Variants in HDAC9 observed in about 807,000 individuals in gnomAD.
HDAC9 encodes the protein histone deacetylase 9, also known as MEF-2 interacting transcription repressor (MITR) protein.
Under a neutral mutation model 139.4 loss-of-function variants are expected in HDAC9, and 41 were observed. That is an observed-to-expected ratio of 0.29 (90% CI 0.23 to 0.38). The LOEUF is 0.38. Ranked by LOEUF, HDAC9 falls within the 10% of genes least tolerant of loss-of-function variation. The pLI is 1.00. For missense variants in HDAC9, 1,147 were observed against 1,297.0 expected, an observed-to-expected ratio of 0.88 and a Z score of 1.78; for synonymous variants, 517 against 476.2, an observed-to-expected ratio of 1.09 and a Z score of -1.12.
At chr7:18,162,427 T>C in intron 2 of HDAC9, 2 of 1,356,674 alleles carry the variant, frequency 1.5e-6, no homozygotes, top group Non-Finnish European at 2.0e-6. Context: ...AACCAAGTAA[T>C]TTAATTTATG....
At chr7:18,375,354 C>T (rs2128706735) in intron 1 of HDAC9, among the ~76,000 whole-genome samples, 1 of 152,128 alleles carries the variant, frequency 6.6e-6, no homozygotes, top group Admixed American at 6.5e-5. Context: ...CTTGTAATCC[C>T]AGTACTCAGG....
chr7:18,957,973 A>G (rs1204282817), intron 24 of HDAC9, among the ~76,000 whole-genome samples: 1 of 152,194 alleles, frequency 6.6e-6, no homozygotes, highest in African/African-American at 2.4e-5. Context: ...CCCAAGGCAC[A>G]TGGCAAGGTG....
Position 18,981,539 on chromosome 7 carries a change from T to C in HDAC9, c.3170+5586T>C, listed in dbSNP as rs2526637. 5.1e-3 allele frequency among the ~76,000 whole-genome samples: 772 copies of C among 152,172 alleles called. 8 individuals are homozygous for C. Among genetic ancestry groups the C allele is most frequent in the African/African-American group, 0.017 (724 of 41,542 alleles). ...CATTTGTGGAGGCTCTGGGGAAAAA[T>C]TGGTTTCCTTGCCTTTTCCATCTTC... is the stretch of plus-strand genomic sequence containing the variant. On this transcript the variant is annotated intron_variant, in intron 25 of 25. Transcript: ENST00000686413.
chr7:18,417,916 C>T (rs1478694968), intron 1 of HDAC9, among the ~76,000 whole-genome samples: 2 of 152,116 alleles, frequency 1.3e-5, no homozygotes, highest in Non-Finnish European at 2.9e-5. Flanking sequence ...GGTGCTCTAT[C>T]CAGAAAACTC....
chr7:18,242,510 T>G (rs1261731052), intron 2 of HDAC9, among the ~76,000 whole-genome samples: 1 of 152,180 alleles, frequency 6.6e-6, no homozygotes, highest in Admixed American at 6.5e-5. Context: ...TCTCAGTCAA[T>G]TTTTCTGGTA....
intron 2 of HDAC9, among the ~76,000 whole-genome samples, chr7:18,276,038 A>G (rs186215): frequency 0.015 from 2,280 of 152,254 alleles, 65 homozygotes; most frequent in African/African-American, 0.053. Context: ...ATGAATATGC[A>G]CTTGTTTGTT....
At chr7:18,777,763 T>G (rs1263610154) in intron 16 of HDAC9, among the ~76,000 whole-genome samples, 5 of 151,924 alleles carry the variant, frequency 3.3e-5, no homozygotes, top group Non-Finnish European at 1.5e-5. Flanking sequence ...AATGATGGGA[T>G]TATCCATCAA....
intron 7 of HDAC9, among the ~76,000 whole-genome samples, chr7:18,634,306 G>A (rs1783223661): frequency 1.3e-5 from 2 of 151,182 alleles, no homozygotes; most frequent in Non-Finnish European, 1.5e-5. Context: ...TAGCATAAGA[G>A]CAAGTAAGAA....
rs1381479231 is a variant in HDAC9, at chr7:18,300,691, A to G, written c.-42+10176A>G. ...ATAAATGTAACATTAAAGTTCTTGA[A>G]CTATATACCACACACCATTCCACAT... On this transcript the variant is annotated intron_variant, in intron 1 of 3. Transcript: ENST00000413509. Among the ~76,000 whole-genome samples, 4 of 152,174 alleles carry G rather than the reference A, an allele frequency of 2.6e-5. No individual in the cohort carries two copies. The East Asian group carries it at 5.8e-4, about 22-fold the overall frequency.
At chr7:18,891,700 A>C (rs373055182) in intron 22 of HDAC9, among the ~76,000 whole-genome samples, 1 of 152,148 alleles carries the variant, frequency 6.6e-6, no homozygotes, top group African/African-American at 2.4e-5. Context: ...GTTGTAATCA[A>C]CTTTCAATCC....
intron 2 of HDAC9, among the ~76,000 whole-genome samples, chr7:18,277,285 G>A (rs541490903): frequency 2.0e-5 from 3 of 152,266 alleles, no homozygotes; most frequent in African/African-American, 7.2e-5. Context: ...TTGGATGGAG[G>A]ACACTGGCCA....
chr7:18,116,424 G>A (rs931819198), intron 1 of HDAC9, among the ~76,000 whole-genome samples: 1 of 152,008 alleles, frequency 6.6e-6, no homozygotes, highest in African/African-American at 2.4e-5. Flanking sequence ...AAAGTACTGT[G>A]TATTCCCTTA....
chr7:18,308,024 C>T (rs982800506), intron 1 of HDAC9, among the ~76,000 whole-genome samples: 1 of 152,102 alleles, frequency 6.6e-6, no homozygotes, highest in Non-Finnish European at 1.5e-5. Flanking sequence ...GAAGAAAAAC[C>T]ATTTCTGATA....
At chr7:18,462,248 A>T (rs1306783492) in intron 1 of HDAC9, among the ~76,000 whole-genome samples, 1 of 152,048 alleles carries the variant, frequency 6.6e-6, no homozygotes, top group Non-Finnish European at 1.5e-5. Context: ...TGTTTGTTGC[A>T]CACAGCCTCT....
Position 18,320,781 on chromosome 7 carries a change from A to G in HDAC9, c.-42+30266A>G, listed in dbSNP as rs571869944. On this transcript the variant is annotated intron_variant, in intron 1 of 3. Transcript: ENST00000413509. ...GACACCCCCCACCCCAGTTGTCACA[A>G]TAGTGTTGTGGAAAGAGCACTGGGC... Among the ~76,000 whole-genome samples the G allele has an allele frequency of 2.6e-5, 4 of 152,192 alleles. No individual in the cohort carries two copies. The South Asian group carries it at 6.2e-4, about 24-fold the overall frequency.
At chr7:18,313,620 C>T (rs1055345543) in intron 1 of HDAC9, among the ~76,000 whole-genome samples, 5 of 152,118 alleles carry the variant, frequency 3.3e-5, no homozygotes, top group Admixed American at 1.3e-4. Context: ...TTAATATATG[C>T]AAATGCTTTT....
chr7:18,860,441 A>C (rs1798020807), intron 21 of HDAC9, among the ~76,000 whole-genome samples: 1 of 152,200 alleles, frequency 6.6e-6, no homozygotes, highest in South Asian at 2.1e-4. Flanking sequence ...ATTTGGAAAG[A>C]TACATGTTGC....
chr7:18,655,891 G>T (rs1467557736), intron 11 of HDAC9, among the ~76,000 whole-genome samples: 1 of 152,246 alleles, frequency 6.6e-6, no homozygotes, highest in Non-Finnish European at 1.5e-5. Context: ...TTGATTCCAG[G>T]CAGTTCAAAG....
intron 1 of HDAC9, among the ~76,000 whole-genome samples, chr7:18,361,655 G>A (rs571120493): frequency 6.6e-6 from 1 of 151,974 alleles, no homozygotes; most frequent in Non-Finnish European, 1.5e-5. Context: ...TTTTACTGAG[G>A]GTTAGATTTC....
Sources: allele counts gnomAD v4.1 joint callset (sites outside exome capture counted in the v4.1 genomes callset), GRCh38; gene constraint gnomAD v4.1.1; transcripts MANE v1.5; gene names NCBI Gene and HGNC (gene_info 2026-07-23, HGNC 2026-07-21).